CD58: variants seen among roughly 807,000 people sequenced by gnomAD.
CD58 encodes CD58 molecule.
A neutral mutation model predicts 27.6 loss-of-function variants in CD58; 14 were observed. The observed-to-expected ratio is 0.51, with a 90% confidence interval of 0.34 to 0.79. CD58 has a LOEUF of 0.79. Among genes scored for constraint, CD58 ranks in the 30% least tolerant of loss-of-function variants. The pLI is 0.02. For synonymous variants in CD58, 117 were observed against 103.8 expected, an observed-to-expected ratio of 1.13 and a Z score of -0.77; for missense variants, 268 against 301.7, an observed-to-expected ratio of 0.89 and a Z score of 0.83.
intron 1 of CD58, among the ~76,000 whole-genome samples, chr1:116,548,458 T>G (rs988254632): frequency 1.3e-5 from 2 of 152,242 alleles, no homozygotes; most frequent in East Asian, 1.9e-4. Flanking sequence ...TTGATCCACC[T>G]TGAGTTGATT....
rs1659102133 is a variant in CD58 at position 116,570,439 on chromosome 1, G to GGCGGGGACGGCACCGC, written c.70+448_70+463dup. On this transcript the variant is annotated intron_variant, in intron 1 of 5. Transcript: ENST00000369489. This position sits in a 1 kb window ranked among gnomAD's most constrained non-coding sequence, Gnocchi z 6.4. ...CTGCTGATACGGCGGACGCCGCGCGGGCGGGGACGGCACCGCGCGGGGAGG... is the reference window on the plus strand; with the variant it reads ...CTGCTGATACGGCGGACGCCGCGCGGGCGGGGACGGCACCGCGCGGGGACGGCACCGCGCGGGGAGG... Among the ~76,000 whole-genome samples the GGCGGGGACGGCACCGC allele has an allele frequency of 2.0e-5, 3 of 152,102 alleles. 1 individual carries two copies. The South Asian group carries it at 6.2e-4, about 32-fold the overall frequency.
Position 116,521,278 on chromosome 1 carries a change from T to C in CD58, c.706+628A>G, listed in dbSNP as rs1341870923. Among the ~76,000 whole-genome samples the C allele has an allele frequency of 6.6e-6, 1 of 152,182 alleles. No homozygotes were observed. Among genetic ancestry groups the C allele is most frequent in the African/African-American group, 2.4e-5 (1 of 41,432 alleles). ...TTTTGGTGAAGGCTGGTATGGAAAC[T>C]GCTGTGGCATCAAGAATATCCACTC... On this transcript the variant is annotated intron_variant, in intron 4 of 5. Coordinates refer to ENST00000369489, the MANE Select transcript of CD58 (RefSeq NM_001779.3). The surrounding 1 kb of genome is among the most constrained non-coding windows in gnomAD (Gnocchi z 5.6).
rs1349066038 is a variant in CD58 at position 116,536,204 on chromosome 1, G to A, written c.389C>T (p.Thr130Ile). The change falls in exon 3 of 6, where the codon ACT (threonine) becomes ATT (isoleucine). Residue 130 changes from threonine to isoleucine, a missense_variant. Physicochemically the swap from Thr to Ile is moderately conservative, Grantham distance 89. Coordinates refer to ENST00000369489, the MANE Select transcript of CD58 (RefSeq NM_001779.3). This position sits in a 1 kb window ranked among gnomAD's most constrained non-coding sequence, Gnocchi z 5.4. ...AATGCTTCCATTAGTCAATGCACAA[G>A]TTAGTGTGGGAGATGGAAGAGACTC... is the stretch of plus-strand genomic sequence containing the variant. ...VLESLPSPTL[T>I]CALTNGSIEV... The A allele has an allele frequency of 6.2e-7, 1 of 1,611,314 alleles. No homozygotes were observed. Among genetic ancestry groups the A allele is most frequent in the South Asian group, 1.1e-5 (1 of 91,004 alleles).
intron 2 of CD58, among the ~76,000 whole-genome samples, chr1:116,542,824 G>A (rs549227095): frequency 6.6e-6 from 1 of 152,276 alleles, no homozygotes; most frequent in South Asian, 2.1e-4. Context: ...CTCAGGTATG[G>A]GTAGGAAGGT....
Position 116,515,880 on chromosome 1 carries a change from A to G in CD58, c.744-1058T>C, listed in dbSNP as rs539091059. Among the ~76,000 whole-genome samples, 1 of 152,176 alleles carries G rather than the reference A, an allele frequency of 6.6e-6. No individual in the cohort carries two copies. The highest frequency in any genetic ancestry group is 1.5e-5 in the Non-Finnish European group (1 of 67,992). On this transcript the variant is annotated intron_variant, in intron 5 of 5. Transcript: ENST00000369489. This position sits in a 1 kb window ranked among gnomAD's most constrained non-coding sequence, Gnocchi z 4.6. Reference sequence around the variant, plus strand: ...GGCCATTTCCCGTCAGATGTCTGCTATCTACTCATCTGTCCTCTGTTGTTC... The same window carrying G: ...GGCCATTTCCCGTCAGATGTCTGCTGTCTACTCATCTGTCCTCTGTTGTTC...
At position 116,559,874 on chromosome 1, in the gene CD58, T is replaced by C. The variant is rs146676573; in HGVS notation, c.70+11029A>G. On this transcript the variant is annotated intron_variant, in intron 1 of 5. Coordinates refer to ENST00000369489, the MANE Select transcript of CD58 (RefSeq NM_001779.3). This position sits in a 1 kb window ranked among gnomAD's most constrained non-coding sequence, Gnocchi z 4.4. ...TTTAGACCTATGCAATCCATCAAAGTAGCTACCAGCTACAAGTGGCTAGTG... is the reference window on the plus strand; with the variant it reads ...TTTAGACCTATGCAATCCATCAAAGCAGCTACCAGCTACAAGTGGCTAGTG... The C allele has an allele frequency of 5.1e-3, 781 of 153,088 alleles. 3 individuals are homozygous for C. The highest frequency in any genetic ancestry group is 0.017 in the African/African-American group (712 of 41,586). 9.5% of individuals were successfully genotyped at this position (153,088 alleles called of 1,614,324 possible). A position where few individuals can be genotyped will look rare whatever the true frequency, so the allele number is the denominator to read the frequency against.
At chr1:116,529,817 G>A (rs1657539221) in intron 3 of CD58, among the ~76,000 whole-genome samples, 1 of 152,152 alleles carries the variant, frequency 6.6e-6, no homozygotes, top group African/African-American at 2.4e-5. Context: ...TTCTCCTTTA[G>A]ATTGTGTTTA....
chr1:116,541,539 A>G lies in CD58; in HGVS notation c.364+2772T>C, dbSNP rs1657987854. Among the ~76,000 whole-genome samples, 1 of 152,220 alleles carries G rather than the reference A, an allele frequency of 6.6e-6. No homozygotes were observed. Among genetic ancestry groups the G allele is most frequent in the African/African-American group, 2.4e-5 (1 of 41,452 alleles). ...ACCAATACAACTTCCTGGTAGAGTG[A>G]ATGTGGTATTCAAGAAAAAGAGAGG... On this transcript the variant is annotated intron_variant, in intron 2 of 5. Coordinates refer to ENST00000369489, the MANE Select transcript of CD58 (RefSeq NM_001779.3). This position sits in a 1 kb window ranked among gnomAD's most constrained non-coding sequence, Gnocchi z 5.3.
At position 116,541,681 on chromosome 1, in the gene CD58, T is replaced by A. The variant is rs997182197; in HGVS notation, c.364+2630A>T. ...GGTTTTAAGGGGAAGATAATGAGCT[T>A]ACTTTTGGACTTGTGATATTTGAAA... On this transcript the variant is annotated intron_variant, in intron 2 of 5. Coordinates refer to ENST00000369489, the MANE Select transcript of CD58 (RefSeq NM_001779.3). This position sits in a 1 kb window ranked among gnomAD's most constrained non-coding sequence, Gnocchi z 5.3. Among the ~76,000 whole-genome samples the A allele has an allele frequency of 7.9e-5, 12 of 152,182 alleles. No individual in the cohort carries two copies. Among genetic ancestry groups the A allele is most frequent in the Non-Finnish European group, 1.8e-4 (12 of 68,026 alleles).
rs1208921306 is a variant in CD58 at position 116,557,724 on chromosome 1, T to C, written c.71-13120A>G. On this transcript the variant is annotated intron_variant, in intron 1 of 5. Coordinates refer to ENST00000369489, the MANE Select transcript of CD58 (RefSeq NM_001779.3). The surrounding 1 kb of genome is among the most constrained non-coding windows in gnomAD (Gnocchi z 5.2). ...GGTCTCATTCTGTCACCCAGGTTGG[T>C]GTGCAGTGGTGCAATCGTGGCTCAC... Among the ~76,000 whole-genome samples the C allele has an allele frequency of 6.6e-6, 1 of 151,858 alleles. No individual in the cohort carries two copies. Among genetic ancestry groups the C allele is most frequent in the African/African-American group, 2.4e-5 (1 of 41,306 alleles).
chr1:116,518,548 C>G (rs1475587865), intron 5 of CD58, among the ~76,000 whole-genome samples: 1 of 152,042 alleles, frequency 6.6e-6, no homozygotes, highest in African/African-American at 2.4e-5. Context: ...TGCCTCAACA[C>G]TCTCTGCTCC....
intron 1 of CD58, among the ~76,000 whole-genome samples, chr1:116,547,082 T>A (rs1439627478): frequency 6.6e-6 from 1 of 151,170 alleles, no homozygotes; most frequent in Non-Finnish European, 1.5e-5. Flanking sequence ...TTTTTTTTTT[T>A]AGTTATTTGG....
rs1173054428 is a variant in CD58 at position 116,527,869 on chromosome 1, C to T, written c.629-5886G>A. ...ATTTAAACTGCCAGGCTGAAGTGAT[C>T]CTCCCACCTCAGTCTCCCAAGTAGC... On this transcript the variant is annotated intron_variant, in intron 3 of 5. Transcript: ENST00000369489. The surrounding 1 kb of genome is among the most constrained non-coding windows in gnomAD (Gnocchi z 4.4). Among the ~76,000 whole-genome samples, 1 of 152,074 alleles carries T rather than the reference C, an allele frequency of 6.6e-6. No individual in the cohort carries two copies. The highest frequency in any genetic ancestry group is 2.4e-5 in the African/African-American group (1 of 41,386).
rs1571067612 is a variant in CD58 at position 116,534,127 on chromosome 1, G to C, written c.628+1838C>G. The C allele has an allele frequency of 1.4e-6, 1 of 715,798 alleles. No homozygotes were observed. Among genetic ancestry groups the C allele is most frequent in the Admixed American group, 1.9e-5 (1 of 53,126 alleles). 44.3% of individuals were successfully genotyped at this position (715,798 alleles called of 1,614,324 possible). A position where few individuals can be genotyped will look rare whatever the true frequency, so the allele number is the denominator to read the frequency against. ...TTTATCCCCTTGTCTGGTAAACCAA[G>C]TCCCGTGAGTAACTAGGCTAAGGCA... On this transcript the variant is annotated intron_variant, in intron 3 of 5. Coordinates refer to ENST00000369489, the MANE Select transcript of CD58 (RefSeq NM_001779.3). The surrounding 1 kb of genome is among the most constrained non-coding windows in gnomAD (Gnocchi z 5.3).
intron 2 of CD58, among the ~76,000 whole-genome samples, chr1:116,539,623 T>C (rs1657929116): frequency 6.6e-6 from 1 of 152,248 alleles, no homozygotes; most frequent in Non-Finnish European, 1.5e-5. Context: ...CTTGACTAGG[T>C]AGAAGCTCTT....
At chr1:116,555,432 G>T (rs1658530553) in intron 1 of CD58, among the ~76,000 whole-genome samples, 1 of 152,164 alleles carries the variant, frequency 6.6e-6, no homozygotes, top group Admixed American at 6.5e-5. Flanking sequence ...AACTGGGCAT[G>T]GGGTGAGTTT....
Position 116,531,627 on chromosome 1 carries a change from G to C in CD58, c.628+4338C>G, listed in dbSNP as rs7515816. 0.048 allele frequency among the ~76,000 whole-genome samples: 7,244 copies of C among 152,214 alleles called. 551 individuals are homozygous for C. The highest frequency in any genetic ancestry group is 0.16 in the African/African-American group (6,784 of 41,496). ...TTGCAGCTCGTTTTAAAAACTTCTT[G>C]CAATTGTGTGACTTGTACAAACAGT... is the stretch of plus-strand genomic sequence containing the variant. On this transcript the variant is annotated intron_variant, in intron 3 of 5. Coordinates refer to ENST00000369489, the MANE Select transcript of CD58 (RefSeq NM_001779.3). The surrounding 1 kb of genome is among the most constrained non-coding windows in gnomAD (Gnocchi z 4.5).
chr1:116,561,357 T>C (rs1658744670), intron 1 of CD58, among the ~76,000 whole-genome samples: 1 of 152,140 alleles, frequency 6.6e-6, no homozygotes, highest in Non-Finnish European at 1.5e-5. Context: ...CGGGTAAAAG[T>C]TAGGTGATGT....
In CD58 at chr1:116,524,857, G is replaced by A. The variant is rs557666968; in HGVS notation, c.629-2874C>T. Among the ~76,000 whole-genome samples the A allele has an allele frequency of 1.3e-5, 2 of 152,094 alleles. No homozygotes were observed. Among genetic ancestry groups the A allele is most frequent in the Non-Finnish European group, 2.9e-5 (2 of 68,020 alleles). On this transcript the variant is annotated intron_variant, in intron 3 of 5. Transcript: ENST00000369489. The surrounding 1 kb of genome is among the most constrained non-coding windows in gnomAD (Gnocchi z 4.6). ...ACACTTGGAATGGTTCCTCTATTTG[G>A]GGTTATTCCACAAACTTGATTCATG... is the stretch of plus-strand genomic sequence containing the variant.
Sources: allele counts gnomAD v4.1 joint callset (sites outside exome capture counted in the v4.1 genomes callset), GRCh38; gene constraint gnomAD v4.1.1; non-coding constraint Gnocchi (gnomAD v3.1); transcripts MANE v1.5; gene names NCBI Gene and HGNC (gene_info 2026-07-23, HGNC 2026-07-21).